CYLC2: variants seen among roughly 807,000 people sequenced by gnomAD.
CYLC2 encodes cylicin-2.
In CYLC2, 30 loss-of-function variants were observed where a neutral mutation model predicts 26.1. That is an observed-to-expected ratio of 1.15 (90% CI 0.86 to 1.56). The LOEUF (loss-of-function observed/expected upper bound fraction) is 1.56. Ranked by LOEUF, CYLC2 falls within the 40% of genes most tolerant of loss-of-function variation. The pLI is 0.00. For synonymous variants in CYLC2, 158 were observed against 132.8 expected (o/e 1.19, Z -1.31); for missense variants, 498 against 394.4 (o/e 1.26, Z -2.23).
chr9:102,998,386 T>A (rs1416216468), intron 1 of CYLC2, among the ~76,000 whole-genome samples: 1 of 151,896 alleles, frequency 6.6e-6, no homozygotes, highest in African/African-American at 2.4e-5. Flanking sequence ...CTAAGTTTAT[T>A]TTCAATAAGA....
In CYLC2 at chr9:103,013,600, TATAA is replaced by T. The variant is rs1346875662; in HGVS notation, c.*816+1507_*816+1510del. Among the ~76,000 whole-genome samples, 9 of 112,422 alleles carry T rather than the reference TATAA, an allele frequency of 8.0e-5. No homozygotes were observed. The Admixed American group carries it at 1.0e-3, about 13-fold the overall frequency. 73.8% of individuals were successfully genotyped at this position (112,422 alleles called of 152,430 possible). A position where few individuals can be genotyped will look rare whatever the true frequency, so the allele number is the denominator to read the frequency against. ...TGTATTTACAATATATAAATATATT[TATAA>T]ATATTTTATATATAATATGTTATAT... On this transcript the variant is annotated intron_variant, in intron 6 of 7. Coordinates refer to ENST00000374798, the MANE Select transcript of CYLC2 (RefSeq NM_001340.5).
Position 103,005,282 on chromosome 9 carries a change from C to T in CYLC2, c.651C>T (p.Ser217=). 6.2e-7 allele frequency: 1 copy of T among 1,612,660 alleles called. No homozygotes were observed. The highest frequency in any genetic ancestry group is 1.1e-5 in the South Asian group (1 of 91,012). The change falls in exon 5 of 8, where the codon AGC becomes AGT. Residue 217 remains serine, a synonymous_variant. Transcript: ENST00000374798. The part of the protein sequence containing the change: ...EGEKGGTEKD[S]KKGKKDSKKG... ...AAAAAGGAGGTACAGAGAAAGATAG[C>T]AAAAAAGGTAAAAAGGATTCAAAGA...
At chr9:103,017,042 T>G (rs1587857435) in intron 7 of CYLC2, 81 bp downstream of exon 7, 1 of 103,708 alleles carries the variant, frequency 9.6e-6, no homozygotes, top group South Asian at 2.8e-4. Flanking sequence ...ATTTAAAGGT[T>G]TTTTTTTTTC....
intron 3 of CYLC2, 89 bp downstream of exon 3, chr9:103,003,352 A>T (rs1829308284): frequency 8.6e-7 from 1 of 1,165,102 alleles, no homozygotes; most frequent in East Asian, 2.6e-5. Context: ...AATTAGTCTT[A>T]AGTAATCACT....
Position 103,003,125 on chromosome 9 carries a change from T to G in CYLC2, c.59-17T>G. On this transcript the variant is annotated splice_polypyrimidine_tract_variant and intron_variant, in intron 2 of 7. Coordinates refer to ENST00000374798, the MANE Select transcript of CYLC2 (RefSeq NM_001340.5). ...TCTATTCACTCCAAAATGTGTTTTT[T>G]GTCTCCCTTATTTTAGTCAGTGAAT... 1 of 1,612,568 alleles carries G rather than the reference T, an allele frequency of 6.2e-7. No individual in the cohort carries two copies. The highest frequency in any genetic ancestry group is 8.5e-7 in the Non-Finnish European group (1 of 1,179,310).
At chr9:103,008,817 G>A (rs919560874) in intron 5 of CYLC2, among the ~76,000 whole-genome samples, 2 of 152,046 alleles carry the variant, frequency 1.3e-5, no homozygotes, top group African/African-American at 4.8e-5. Flanking sequence ...AGCCCTCTAA[G>A]TGCAGGGGAA....
rs765726759 is a variant in CYLC2 at position 103,005,585 on chromosome 9, T to C, written c.954T>C (p.Asp318=). The change falls in exon 5 of 8, where the codon GAT becomes GAC. Residue 318 remains aspartate (D), a synonymous_variant. Transcript: ENST00000374798. ...AAGAATCTGCTGATTCAAAGAAGGA[T>C]GCAAAGAAAAATGCTAAGAAGGATG... ...TEKESADSKK[D]AKKNAKKDAK... The C allele has an allele frequency of 5.6e-5, 90 of 1,609,086 alleles. No individual in the cohort carries two copies. Among genetic ancestry groups the C allele is most frequent in the Non-Finnish European group, 7.4e-5 (87 of 1,177,230 alleles).
chr9:103,010,874 T>C (rs565831250), intron 5 of CYLC2: 3 of 152,090 alleles, frequency 2.0e-5, no homozygotes, highest in East Asian at 1.9e-4. Context: ...ATTGAACAAA[T>C]ATGGAAATTA....
rs1373233928 is a variant in CYLC2 at position 103,006,108 on chromosome 9, T to C, written c.*430T>C. On this transcript the variant is annotated 3_prime_UTR_variant, in exon 5 of 8. Transcript: ENST00000374798. ...GGCTTAAAGAATCCAAGGAGACAGA[T>C]GTTGTATCTATAGATTTAAAATAAT... 1.3e-5 allele frequency: 2 copies of C among 151,286 alleles called. No homozygotes were observed. Among genetic ancestry groups the C allele is most frequent in the African/African-American group, 5.0e-5 (2 of 39,664 alleles). The allele number at this position is 151,286 out of a possible 1,614,324, so 9.4% of individuals were successfully genotyped here.
intron 6 of CYLC2, among the ~76,000 whole-genome samples, chr9:103,013,322 T>TATATATATTTATATATTATATA (rs1491193489): frequency 4.1e-5 from 3 of 73,876 alleles, no homozygotes; most frequent in African/African-American, 1.1e-4. Flanking sequence ...TTATATAACC[T>TATATATATTTATATATTATATA]ATATATATTT....
chr9:103,005,749 C>A lies in CYLC2; in HGVS notation c.*71C>A, dbSNP rs1587852496. On this transcript the variant is annotated 3_prime_UTR_variant, in exon 5 of 8. Coordinates refer to ENST00000374798, the MANE Select transcript of CYLC2 (RefSeq NM_001340.5). ...TTGATGAAACAATAGTGGTAGTCTG[C>A]AGCTGAATTTGTGAGAAAACAAGAG... The A allele has an allele frequency of 3.4e-6, 5 of 1,477,542 alleles. No individual in the cohort carries two copies. Among genetic ancestry groups the A allele is most frequent in the South Asian group, 1.4e-5 (1 of 70,446 alleles). 91.5% of individuals were successfully genotyped at this position (1,477,542 alleles called of 1,614,324 possible).
intron 6 of CYLC2, among the ~76,000 whole-genome samples, chr9:103,013,710 TTA>T (rs1169648501): frequency 1.8e-5 from 2 of 110,366 alleles, no homozygotes; most frequent in Non-Finnish European, 3.3e-5. Flanking sequence ...ACATTATATA[TTA>T]TATATATTAT....
At chr9:102,996,154 G>T (rs1205372315) in intron 1 of CYLC2, among the ~76,000 whole-genome samples, 4 of 151,642 alleles carry the variant, frequency 2.6e-5, no homozygotes, top group African/African-American at 9.7e-5. Flanking sequence ...AATAAAATAG[G>T]CTTTCCATAG....
chr9:103,012,709 AG>A (rs1829420257), intron 6 of CYLC2, among the ~76,000 whole-genome samples: 2 of 152,050 alleles, frequency 1.3e-5, no homozygotes, highest in South Asian at 4.1e-4. Flanking sequence ...ACATATAAAC[AG>A]AAACGTACTC....
intron 6 of CYLC2, among the ~76,000 whole-genome samples, chr9:103,014,949 T>G (rs1829479988): frequency 7.1e-6 from 1 of 140,170 alleles, no homozygotes; most frequent in Non-Finnish European, 1.5e-5. Flanking sequence ...ACATAATACA[T>G]GTAATATACA....
chr9:103,013,986 T>C (rs1829454538), intron 6 of CYLC2, among the ~76,000 whole-genome samples: 1 of 104,196 alleles, frequency 9.6e-6, no homozygotes, highest in Admixed American at 1.2e-4. Context: ...TATTATTTAA[T>C]ATGATATTAC....
rs754184414 is a variant in CYLC2, at chr9:103,005,222, CA to C, written c.594del (p.Gly199AlafsTer34). Reference sequence around the variant, plus strand: ...ACAAAAAAGATAAAAAGGATTCAAACAAAGGCAAAGACTCGGCAACAGAATC... The same window carrying C: ...ACAAAAAAGATAAAAAGGATTCAAACAAGGCAAAGACTCGGCAACAGAATC... ...DNKKDKKDSN[K>X]GKDSATESEG... On this transcript the variant is annotated frameshift_variant, in exon 5 of 8. Transcript: ENST00000374798. LOFTEE classifies it high-confidence loss of function. The C allele has an allele frequency of 4.5e-5, 72 of 1,609,650 alleles. No individual in the cohort carries two copies. Among genetic ancestry groups the C allele is most frequent in the Non-Finnish European group, 6.1e-5 (72 of 1,178,930 alleles).
At chr9:103,009,494 C>T (rs182370650) in intron 5 of CYLC2, among the ~76,000 whole-genome samples, 11 of 152,148 alleles carry the variant, frequency 7.2e-5, no homozygotes, top group African/African-American at 2.6e-4. Flanking sequence ...ATGGTACTAT[C>T]AGAGACTAGA....
chr9:103,013,195 A>T (rs1564100346), intron 6 of CYLC2, among the ~76,000 whole-genome samples: 1 of 26,026 alleles, frequency 3.8e-5, no homozygotes, highest in Non-Finnish European at 8.3e-5. Context: ...ATTATATATA[A>T]CATATTAATG....
Sources: allele counts gnomAD v4.1 joint callset (sites outside exome capture counted in the v4.1 genomes callset), GRCh38; gene constraint gnomAD v4.1.1; transcripts MANE v1.5; gene names NCBI Gene and HGNC (gene_info 2026-07-23, HGNC 2026-07-21).